Variants in ABCA9 observed in about 807,000 individuals in gnomAD.
ABCA9 encodes ATP-binding cassette sub-family A member 9.
ABCA9 carries 183 observed loss-of-function variants against 205.3 expected under a neutral mutation model. The ratio of observed to expected loss-of-function variants is 0.89; its 90% CI spans 0.79 to 1.01. ABCA9 has a LOEUF of 1.01. ABCA9 is among the 50% of genes least tolerant of loss of function. The pLI, the probability that ABCA9 is intolerant of heterozygous loss-of-function variation, is 0.00. For synonymous variants in ABCA9, 651 were observed against 683.3 expected (o/e 0.95, Z 0.74); for missense variants, 1,805 against 1,912.4 (o/e 0.94, Z 1.05).
At chr17:68,987,963 C>T (rs1337227489) in intron 31 of ABCA9, among the ~76,000 whole-genome samples, 1 of 152,138 alleles carries the variant, frequency 6.6e-6, no homozygotes, top group African/African-American at 2.4e-5. Flanking sequence ...GGTGCTTCTC[C>T]ATGTTGGTCA....
rs534132776 is a variant in ABCA9, at chr17:69,008,436, T to G, written c.3148-201A>C. Among the ~76,000 whole-genome samples the G allele has an allele frequency of 2.0e-5, 3 of 152,348 alleles. No individual in the cohort carries two copies. The East Asian group carries it at 5.8e-4, about 29-fold the overall frequency. On this transcript the variant is annotated intron_variant, in intron 23 of 38. Coordinates refer to ENST00000340001, the MANE Select transcript of ABCA9 (RefSeq NM_080283.4). ...CAAGCCACGTCATTATTTCATTGTC[T>G]AAAGGGAAAACGCACCAACATAACT...
chr17:69,054,921 T>C (rs994939907), intron 1 of ABCA9, among the ~76,000 whole-genome samples: 3 of 152,066 alleles, frequency 2.0e-5, no homozygotes, highest in African/African-American at 7.2e-5. Flanking sequence ...ACTCTAAGGA[T>C]TTAATTTGCT....
At chr17:69,016,228 A>G in intron 22 of ABCA9, 25 bp downstream of exon 22, 1 of 1,536,258 alleles carries the variant, frequency 6.5e-7, no homozygotes, top group Non-Finnish European at 8.7e-7. Flanking sequence ...ATGGCACAGT[A>G]TAAATGAGAT....
chr17:69,059,570 C>T (rs2072168146), intron 1 of ABCA9, among the ~76,000 whole-genome samples: 1 of 152,102 alleles, frequency 6.6e-6, no homozygotes, highest in Non-Finnish European at 1.5e-5. Flanking sequence ...GCCTAGCCAA[C>T]CCCTTGATGT....
chr17:69,016,194 C>T (rs1300547635), intron 22 of ABCA9, 59 bp downstream of exon 22: 1 of 1,333,324 alleles, frequency 7.5e-7, no homozygotes, highest in African/African-American at 1.5e-5. Context: ...TTTAGCATTT[C>T]AAGAATTTTC....
At chr17:69,036,734 C>T (rs1008058554) in intron 6 of ABCA9, among the ~76,000 whole-genome samples, 1 of 150,920 alleles carries the variant, frequency 6.6e-6, no homozygotes, top group Non-Finnish European at 1.5e-5. Flanking sequence ...ACACAGATGC[C>T]AGTATCCAAT....
chr17:69,016,707 T>C (rs1437255591), intron 21 of ABCA9, among the ~76,000 whole-genome samples: 3 of 152,132 alleles, frequency 2.0e-5, no homozygotes, highest in African/African-American at 4.8e-5. Flanking sequence ...AACCTGGCTA[T>C]AGACTTTGTT....
chr17:68,997,372 A>G (rs1243149163), intron 25 of ABCA9, among the ~76,000 whole-genome samples: 2 of 152,178 alleles, frequency 1.3e-5, no homozygotes, highest in Non-Finnish European at 1.5e-5. Context: ...GCTTTACAAA[A>G]GGAACTCTTC....
intron 31 of ABCA9, among the ~76,000 whole-genome samples, chr17:68,988,288 T>C (rs1541469): frequency 0.18 from 26,865 of 152,214 alleles, 6,210 homozygotes; most frequent in African/African-American, 0.53. Flanking sequence ...GACATACCAC[T>C]AAATGGTACT....
intron 16 of ABCA9, 24 bp downstream of exon 16, chr17:69,026,353 C>T (rs757935116): frequency 2.4e-5 from 38 of 1,589,830 alleles, no homozygotes; most frequent in Non-Finnish European, 2.9e-5. Context: ...TCTGTCAACA[C>T]GTCTCCAACA....
Position 69,028,657 on chromosome 17 carries a change from T to TA in ABCA9, c.1505-13_1505-12insT, listed in dbSNP as rs769152757. ...GTCAAACACCACACCTGGCATGATTTTAAAAAAAATTACACTCAGAGCCTA... is the reference window on the plus strand; with the variant it reads ...GTCAAACACCACACCTGGCATGATTTATAAAAAAAATTACACTCAGAGCCTA... On this transcript the variant is annotated splice_polypyrimidine_tract_variant and intron_variant, in intron 11 of 38. Transcript: ENST00000340001. 1.4e-4 allele frequency: 200 copies of TA among 1,471,816 alleles called. No individual in the cohort carries two copies. The highest frequency in any genetic ancestry group is 2.5e-4 in the South Asian group (19 of 75,536). The allele number at this position is 1,471,816 out of a possible 1,614,324, so 91.2% of individuals were successfully genotyped here.
chr17:68,990,909 T>C lies in ABCA9; in HGVS notation c.3765A>G (p.Glu1255=), dbSNP rs2069429555. ...NAIFPNPEEP[E]GEEEDIQMER... is the part of the protein sequence containing the mutation. ...CCATCTGGATATCTTCCTCCTCTCC[T>C]TCAGGCTCTTCTGGGTTTGGAAAAA... The change falls in exon 29 of 39, where the codon GAA becomes GAG. Residue 1255 remains glutamate, a synonymous_variant. Transcript: ENST00000340001. The C allele has an allele frequency of 6.2e-7, 1 of 1,613,850 alleles. No individual in the cohort carries two copies. Among genetic ancestry groups the C allele is most frequent in the African/African-American group, 1.3e-5 (1 of 74,928 alleles).
At chr17:68,981,388 G>A (rs2069048103) in intron 37 of ABCA9, among the ~76,000 whole-genome samples, 1 of 151,914 alleles carries the variant, frequency 6.6e-6, no homozygotes. Context: ...CCTCTAGGGA[G>A]GCAGCCTTCC....
intron 6 of ABCA9, among the ~76,000 whole-genome samples, chr17:69,041,968 G>A (rs1026229447): frequency 1.3e-5 from 2 of 151,974 alleles, no homozygotes; most frequent in East Asian, 1.9e-4. Context: ...TGTAGCATAC[G>A]CCCAGAACCC....
chr17:69,069,663 G>A, the ABCA9 span, among the ~76,000 whole-genome samples: 1 of 150,968 alleles, frequency 6.6e-6, no homozygotes, highest in East Asian at 1.9e-4. Context: ...ATCTCTCTAC[G>A]ACAGCGTTGA....
At chr17:69,047,091 A>G (rs577968965) in intron 3 of ABCA9, among the ~76,000 whole-genome samples, 1 of 151,350 alleles carries the variant, frequency 6.6e-6, no homozygotes, top group East Asian at 2.0e-4. Context: ...ACTCCCAAGT[A>G]GCTGAGATTA....
chr17:68,998,488 T>C (rs2069713560), intron 25 of ABCA9, among the ~76,000 whole-genome samples: 2 of 152,198 alleles, frequency 1.3e-5, no homozygotes, highest in Admixed American at 1.3e-4. Context: ...CATTTACTTC[T>C]TGGGAGCCTT....
At position 68,989,843 on chromosome 17, in the gene ABCA9, T is replaced by C. The variant is rs747393972; in HGVS notation, c.3925A>G (p.Thr1309Ala). 6.2e-7 allele frequency: 1 copy of C among 1,607,520 alleles called. No homozygotes were observed. Among genetic ancestry groups the C allele is most frequent in the Non-Finnish European group, 8.5e-7 (1 of 1,174,172 alleles). The change falls in exon 30 of 39, where the codon ACA becomes GCA. Residue 1309 changes from threonine to alanine, a missense_variant. By Grantham distance (58) the Thr-to-Ala change is moderately conservative. Coordinates refer to ENST00000340001, the MANE Select transcript of ABCA9 (RefSeq NM_080283.4). Reference sequence around the variant, plus strand: ...TTAACACAAAAAGAGACATTTCTTGTGGCAATTTTTTTCTTCCTTTTAGAA... The same window carrying C: ...TTAACACAAAAAGAGACATTTCTTGCGGCAATTTTTTTCTTCCTTTTAGAA... The part of the protein sequence containing the change: ...CFSKRKKKIA[T>A]RNVSFCVKKG...
chr17:69,052,481 A>G (rs2071938560), intron 1 of ABCA9, among the ~76,000 whole-genome samples: 1 of 152,198 alleles, frequency 6.6e-6, no homozygotes, highest in Non-Finnish European at 1.5e-5. Context: ...GAAATGTTGC[A>G]ATTATTAGAC....
Sources: gnomAD v4.1 joint callset for allele counts (sites outside exome capture counted in the v4.1 genomes callset) on GRCh38, gnomAD v4.1.1 for gene constraint, MANE v1.5 for transcripts, NCBI Gene and HGNC (gene_info 2026-07-23, HGNC 2026-07-21) for gene names.